Variants in DERL1 observed in about 807,000 individuals in gnomAD.
DERL1 encodes derlin 1.
A neutral mutation model predicts 41.6 loss-of-function variants in DERL1; 24 were observed. That is an observed-to-expected ratio of 0.58 (90% CI 0.42 to 0.81). The LOEUF is 0.81. DERL1 is among the 30% of genes least tolerant of loss of function. The pLI is 0.00. For missense variants in DERL1, 260 were observed against 314.3 expected, an observed-to-expected ratio of 0.83 and a Z score of 1.31; for synonymous variants, 124 against 112.5, an observed-to-expected ratio of 1.10 and a Z score of -0.65.
intron 2 of DERL1, among the ~76,000 whole-genome samples, chr8:123,027,063 A>G (rs1022148355): frequency 1.3e-5 from 2 of 152,084 alleles, no homozygotes; most frequent in African/African-American, 4.8e-5. Context: ...TGGGAGGCTG[A>G]GGTGGGCGAA....
intron 1 of DERL1, among the ~76,000 whole-genome samples, chr8:123,034,007 AGAG>A (rs1194320420): frequency 6.6e-6 from 1 of 152,192 alleles, no homozygotes; most frequent in Non-Finnish European, 1.5e-5. Context: ...TGAATTCCTC[AGAG>A]TAGTGGGGAA....
In DERL1 at chr8:123,015,149, G is replaced by A. The variant is rs138564502; in HGVS notation, c.*298C>T. 258 of 247,056 alleles carry A rather than the reference G, an allele frequency of 1.0e-3. 1 individual carries two copies. The highest frequency in any genetic ancestry group is 4.7e-3 in the African/African-American group (210 of 44,810). 15.3% of individuals were successfully genotyped at this position (247,056 alleles called of 1,614,324 possible). ...GCTCAATGCCAGCAGACTAGGACCCGCTAAAACCCATTATTCAGACGGAAA... is the reference window on the plus strand; with the variant it reads ...GCTCAATGCCAGCAGACTAGGACCCACTAAAACCCATTATTCAGACGGAAA... On this transcript the variant is annotated 3_prime_UTR_variant, in exon 8 of 8. Transcript: ENST00000259512.
chr8:123,034,229 A>C (rs1812876088), intron 1 of DERL1, among the ~76,000 whole-genome samples: 1 of 152,212 alleles, frequency 6.6e-6, no homozygotes, highest in African/African-American at 2.4e-5. Context: ...CTCAGAGCTT[A>C]ATTCCTTGTA....
At chr8:123,037,323 AGT>A in intron 1 of DERL1, among the ~76,000 whole-genome samples, 1 of 152,306 alleles carries the variant, frequency 6.6e-6, no homozygotes, top group South Asian at 2.1e-4. Context: ...CTGAAATTAG[AGT>A]GTCTTACAAT....
intron 2 of DERL1, among the ~76,000 whole-genome samples, chr8:123,027,412 ATAT>A (rs1432383582): frequency 6.6e-6 from 1 of 151,900 alleles, no homozygotes; most frequent in African/African-American, 2.4e-5. Flanking sequence ...GGGTGGTGAA[ATAT>A]TATAAAAATG....
chr8:123,032,183 G>A (rs1204841534), intron 1 of DERL1, among the ~76,000 whole-genome samples: 4 of 149,216 alleles, frequency 2.7e-5, no homozygotes. Context: ...TGCCCAGGCT[G>A]GAGTGCAGTG....
intron 1 of DERL1, among the ~76,000 whole-genome samples, chr8:123,037,774 T>C (rs1812958601): frequency 6.6e-6 from 1 of 152,182 alleles, no homozygotes; most frequent in South Asian, 2.1e-4. Context: ...GTAACACTTA[T>C]CTCAGGATGA....
intron 2 of DERL1, among the ~76,000 whole-genome samples, chr8:123,029,527 G>A (rs1322272248): frequency 1.3e-5 from 2 of 152,088 alleles, no homozygotes; most frequent in Non-Finnish European, 2.9e-5. Context: ...TACACTTAAG[G>A]GTAGTTCAGA....
At chr8:123,032,917 G>A (rs1008432241) in intron 1 of DERL1, among the ~76,000 whole-genome samples, 13 of 147,648 alleles carry the variant, frequency 8.8e-5, no homozygotes, top group African/African-American at 1.5e-4. Flanking sequence ...AGGCTGGAGC[G>A]CAGTGTTTTG....
intron 2 of DERL1, among the ~76,000 whole-genome samples, chr8:123,028,948 C>T (rs1212830650): frequency 6.6e-6 from 1 of 151,816 alleles, no homozygotes; most frequent in African/African-American, 2.4e-5. Flanking sequence ...AACACCCATC[C>T]TTGTAGCTAC....
At chr8:123,037,727 A>C (rs1812957170) in intron 1 of DERL1, among the ~76,000 whole-genome samples, 1 of 152,238 alleles carries the variant, frequency 6.6e-6, no homozygotes, top group Non-Finnish European at 1.5e-5. Flanking sequence ...GACTCAACGA[A>C]ATAGAAACTG....
chr8:123,019,277 C>A lies in DERL1; in HGVS notation c.535G>T (p.Val179Phe). Residue 179 changes from valine to phenylalanine, a missense_variant, in exon 7 of 8, where the codon GTT becomes TTT. Physicochemically the swap from Val to Phe is conservative, Grantham distance 50. Transcript: ENST00000259512. ...SVINELIGNL[V>F]GHLYFFLMFR... ...ATTAGGAAAAAATAAAGATGTCCAA[C>A]CAGATTTCCAATAAGCTCATTGATT... The A allele has an allele frequency of 6.2e-7, 1 of 1,613,996 alleles. No individual in the cohort carries two copies. Among genetic ancestry groups the A allele is most frequent in the Non-Finnish European group, 8.5e-7 (1 of 1,179,900 alleles).
chr8:123,026,873 C>T (rs533538617), intron 2 of DERL1, among the ~76,000 whole-genome samples: 1 of 152,272 alleles, frequency 6.6e-6, no homozygotes, highest in African/African-American at 2.4e-5. Context: ...GAATGAAGTA[C>T]TGATACAGGC....
At position 123,042,148 on chromosome 8, in the gene DERL1, C is replaced by A; in HGVS notation, c.-26G>T. 1.3e-6 allele frequency: 2 copies of A among 1,578,390 alleles called. No individual in the cohort carries two copies. The highest frequency in any genetic ancestry group is 1.7e-6 in the Non-Finnish European group (2 of 1,157,404). ...CTTCGACCCACAGGTAGCCAAGATGCACAAGACCGCCCGACTCCCCGTGCC... is the reference window on the plus strand; with the variant it reads ...CTTCGACCCACAGGTAGCCAAGATGAACAAGACCGCCCGACTCCCCGTGCC... On this transcript the variant is annotated 5_prime_UTR_variant, in exon 1 of 8. Transcript: ENST00000259512.
intron 1 of DERL1, among the ~76,000 whole-genome samples, chr8:123,031,501 C>T (rs1376196015): frequency 7.2e-5 from 11 of 151,908 alleles, no homozygotes; most frequent in Admixed American, 5.2e-4. Context: ...GCCAAGATCG[C>T]GCCACTACAC....
intron 2 of DERL1, among the ~76,000 whole-genome samples, chr8:123,029,812 C>A (rs1354230678): frequency 6.6e-6 from 1 of 152,122 alleles, no homozygotes; most frequent in Non-Finnish European, 1.5e-5. Flanking sequence ...GTAATCCCAG[C>A]ACTTTGGGAG....
At position 123,040,067 on chromosome 8, in the gene DERL1, A is replaced by C. The variant is rs180877630; in HGVS notation, c.153+1903T>G. Among the ~76,000 whole-genome samples the C allele has an allele frequency of 3.3e-3, 503 of 152,306 alleles. 1 individual carries two copies. Among genetic ancestry groups the C allele is most frequent in the Non-Finnish European group, 6.1e-3 (414 of 68,030 alleles). ...ACCCCGTCTCTACTAAAATACAAAA[A>C]TTAGCTGGGCATGGTGGTGTGCACC... On this transcript the variant is annotated intron_variant, in intron 1 of 7. Coordinates refer to ENST00000259512, the MANE Select transcript of DERL1 (RefSeq NM_024295.6).
chr8:123,019,201 T>C lies in DERL1; in HGVS notation c.611A>G (p.Gln204Arg), dbSNP rs561331450. Residue 204 changes from glutamine (Q) to arginine (R), a missense_variant, in exon 7 of 8, where the codon CAG becomes CGG. Physicochemically the swap from Gln to Arg is conservative, Grantham distance 43. Transcript: ENST00000259512. ...LGGRNFLSTPQFLYRWLPSRR... is the reference protein window; with the variant it reads ...LGGRNFLSTPRFLYRWLPSRR... ...ACAGGACAAAAACACTTACAAAAAC[T>C]GAGGTGTGGATAGAAAATTTCTTCC... 3.1e-5 allele frequency: 49 copies of C among 1,605,842 alleles called. No individual in the cohort carries two copies. In the Admixed American group the frequency reaches 6.5e-4, roughly 21 times the overall value.
chr8:123,042,159 C>G lies in DERL1; in HGVS notation c.-37G>C, dbSNP rs970031170. The G allele has an allele frequency of 1.3e-6, 2 of 1,558,290 alleles. No individual in the cohort carries two copies. Among genetic ancestry groups the G allele is most frequent in the East Asian group, 4.8e-5 (2 of 42,084 alleles). The stretch of plus-strand genomic sequence containing the variant: ...AGGTAGCCAAGATGCACAAGACCGC[C>G]CGACTCCCCGTGCCGACCCCCTCAC... On this transcript the variant is annotated 5_prime_UTR_variant, in exon 1 of 8. Transcript: ENST00000259512.
Sources: allele counts gnomAD v4.1 joint callset (sites outside exome capture counted in the v4.1 genomes callset), GRCh38; gene constraint gnomAD v4.1.1; transcripts MANE v1.5; gene names NCBI Gene and HGNC (gene_info 2026-07-23, HGNC 2026-07-21).